TRIM37: variants seen among roughly 807,000 people sequenced by gnomAD.
TRIM37 encodes the protein tripartite motif containing 37.
TRIM37 carries 80 observed loss-of-function variants against 129.8 expected under a neutral mutation model. That is an observed-to-expected ratio of 0.62 (90% confidence interval 0.51 to 0.74). TRIM37 has a LOEUF of 0.74. Among genes scored for constraint, TRIM37 ranks in the 30% least tolerant of loss-of-function variants. The pLI, the probability that TRIM37 is intolerant of heterozygous loss-of-function variation, is 0.00. For missense variants in TRIM37, 1,054 were observed against 1,176.5 expected (o/e 0.90, Z 1.52); for synonymous variants, 389 against 387.1 (o/e 1.00, Z -0.06).
intron 11 of TRIM37, 129 bp downstream of exon 11, chr17:59,062,438 G>T: frequency 1.4e-6 from 1 of 738,610 alleles, no homozygotes; most frequent in Non-Finnish European, 2.4e-6. Flanking sequence ...AAGGGGAACA[G>T]GGAATGCGGA....
chr17:59,034,956 G>GT (rs2145708710), intron 17 of TRIM37, among the ~76,000 whole-genome samples: 2 of 152,254 alleles, frequency 1.3e-5, no homozygotes, highest in Admixed American at 1.3e-4. Flanking sequence ...TATAAAAGTA[G>GT]TAACAGAGTA....
At chr17:58,985,188 T>C (rs893792576) in intron 24 of TRIM37, 3 of 152,642 alleles carry the variant, frequency 2.0e-5, no homozygotes, top group Admixed American at 6.5e-5. Flanking sequence ...CACTAGTCAT[T>C]TGTCTTTTTA....
At chr17:59,072,558 G>A (rs2042465124) in intron 8 of TRIM37, among the ~76,000 whole-genome samples, 1 of 151,848 alleles carries the variant, frequency 6.6e-6, no homozygotes. Flanking sequence ...TCAAGGCCTG[G>A]CCAACATGGT....
At chr17:59,091,521 A>G (rs2044328592) in intron 2 of TRIM37, among the ~76,000 whole-genome samples, 181 bp from the exon 3 acceptor site, 1 of 125,160 alleles carries the variant, frequency 8.0e-6, no homozygotes, top group South Asian at 2.3e-4. Flanking sequence ...ATATATATAT[A>G]ATGTATAATG....
intron 11 of TRIM37, among the ~76,000 whole-genome samples, chr17:59,061,578 GAGA>G (rs1400905493): frequency 2.6e-5 from 4 of 152,008 alleles, no homozygotes; most frequent in East Asian, 1.9e-4. Context: ...TCTAGAGATT[GAGA>G]AGTTGTTTAA....
intron 17 of TRIM37, among the ~76,000 whole-genome samples, chr17:59,033,451 T>C (rs2038106255): frequency 1.3e-5 from 2 of 152,144 alleles, no homozygotes; most frequent in Non-Finnish European, 2.9e-5. Flanking sequence ...TTGTTGTGTT[T>C]TGAGACACAG....
chr17:59,006,313 C>G (rs984740018), intron 22 of TRIM37, among the ~76,000 whole-genome samples: 2 of 152,182 alleles, frequency 1.3e-5, no homozygotes, highest in African/African-American at 4.8e-5. Flanking sequence ...CAAAAGAAAT[C>G]TGCATCTTAT....
intron 6 of TRIM37, among the ~76,000 whole-genome samples, chr17:59,080,634 T>C (rs2043174357): frequency 6.6e-6 from 1 of 151,970 alleles, no homozygotes; most frequent in Non-Finnish European, 1.5e-5. Context: ...CTACTAAAAA[T>C]ACAAAAATTA....
intron 19 of TRIM37, among the ~76,000 whole-genome samples, chr17:59,022,884 G>A (rs528448961): frequency 6.6e-6 from 1 of 152,188 alleles, no homozygotes; most frequent in East Asian, 1.9e-4. Context: ...CTTTTTGGGT[G>A]AACTTTCTCA....
chr17:58,974,502 A>C, the TRIM37 span, among the ~76,000 whole-genome samples: 7 of 152,228 alleles, frequency 4.6e-5, no homozygotes, highest in Admixed American at 4.6e-4. Context: ...GTATAAGTTC[A>C]AAGAATTAAG....
intron 22 of TRIM37, among the ~76,000 whole-genome samples, chr17:59,009,516 G>C (rs1211246030): frequency 6.7e-6 from 1 of 149,030 alleles, no homozygotes; most frequent in African/African-American, 2.5e-5. Flanking sequence ...TGCGATCTCA[G>C]CTCACTGTAA....
downstream of TRIM37, among the ~76,000 whole-genome samples, chr17:58,979,163 G>C (rs1056192369): frequency 6.6e-6 from 1 of 152,204 alleles, no homozygotes; most frequent in Non-Finnish European, 1.5e-5. Context: ...TTGTTAATGA[G>C]TGGGGAAATG....
the TRIM37 span, among the ~76,000 whole-genome samples, chr17:58,968,791 C>G: frequency 6.6e-6 from 1 of 152,122 alleles, no homozygotes; most frequent in Non-Finnish European, 1.5e-5. Flanking sequence ...AGGCTTTTGT[C>G]AAGACAAAGC....
chr17:59,059,672 C>T (rs577513527), intron 12 of TRIM37, among the ~76,000 whole-genome samples: 2 of 152,304 alleles, frequency 1.3e-5, no homozygotes, highest in South Asian at 2.1e-4. Context: ...AAATTTTACT[C>T]TGTTGGATGT....
chr17:59,074,916 A>G (rs1039518491), intron 8 of TRIM37, among the ~76,000 whole-genome samples: 1 of 152,220 alleles, frequency 6.6e-6, no homozygotes, highest in African/African-American at 2.4e-5. Context: ...TATCACCAAT[A>G]TCTACAATGA....
At chr17:59,006,872 G>T (rs916924946) in intron 22 of TRIM37, among the ~76,000 whole-genome samples, 13 of 151,936 alleles carry the variant, frequency 8.6e-5, no homozygotes, top group African/African-American at 3.1e-4. Flanking sequence ...CTGGGCGACA[G>T]AGCAACACTC....
chr17:59,032,457 G>A (rs1395437976), intron 17 of TRIM37, among the ~76,000 whole-genome samples: 3 of 150,368 alleles, frequency 2.0e-5, no homozygotes, highest in African/African-American at 7.3e-5. Context: ...CCCGGGAAGC[G>A]GAGCTTGCAG....
intron 8 of TRIM37, among the ~76,000 whole-genome samples, chr17:59,074,085 G>C (rs773709448): frequency 6.6e-6 from 1 of 152,176 alleles, no homozygotes; most frequent in African/African-American, 2.4e-5. Context: ...ACAACTAGCA[G>C]TGCAGTATGT....
At chr17:59,071,271 G>T (rs982367217) in intron 8 of TRIM37, among the ~76,000 whole-genome samples, 2 of 150,060 alleles carry the variant, frequency 1.3e-5, no homozygotes, top group African/African-American at 4.9e-5. Context: ...GAACAAACCG[G>T]TAAGTTGAAA....
Sources: gnomAD v4.1 joint callset for allele counts (sites outside exome capture counted in the v4.1 genomes callset) on GRCh38, gnomAD v4.1.1 for gene constraint, MANE v1.5 for transcripts, NCBI Gene and HGNC (gene_info 2026-07-23, HGNC 2026-07-21) for gene names.